Variants in HECW2 observed in about 807,000 individuals in gnomAD.
HECW2 encodes the protein E3 ubiquitin-protein ligase HECW2.
In HECW2, 61 loss-of-function variants were observed where a neutral mutation model predicts 175.2. The ratio of observed to expected loss-of-function variants is 0.35; its 90% CI spans 0.28 to 0.43. The LOEUF (loss-of-function observed/expected upper bound fraction) is 0.43. Ranked by LOEUF, HECW2 falls within the 20% of genes least tolerant of loss-of-function variation. The probability of loss-of-function intolerance (pLI) is 1.00; values close to 1 mark genes in which losing one functional copy is unlikely to be tolerated. For missense variants in HECW2, 1,524 were observed against 2,000.5 expected (o/e 0.76, Z 4.54); for synonymous variants, 671 against 731.0 (o/e 0.92, Z 1.32).
intron 1 of HECW2, among the ~76,000 whole-genome samples, chr2:196,535,001 C>A (rs1211599819): frequency 1.3e-5 from 2 of 151,770 alleles, no homozygotes; most frequent in Non-Finnish European, 2.9e-5. Context: ...TCAGTCTATA[C>A]CAATTTGCAC....
chr2:196,500,506 A>G (rs1687543332), intron 1 of HECW2, among the ~76,000 whole-genome samples: 1 of 152,246 alleles, frequency 6.6e-6, no homozygotes, highest in Non-Finnish European at 1.5e-5. Context: ...TGCTGTCACT[A>G]AAAGCATGAA....
chr2:196,317,206 G>A lies in HECW2; in HGVS notation c.2434+68C>T. 4.2e-6 allele frequency: 5 copies of A among 1,187,154 alleles called. No homozygotes were observed. The South Asian group carries it at 5.2e-5, about 12-fold the overall frequency. The allele number at this position is 1,187,154 out of a possible 1,614,324, so 73.5% of individuals were successfully genotyped here. A position where few individuals can be genotyped will look rare whatever the true frequency, so the allele number is the denominator to read the frequency against. ...ATGTATCCATCTTTTGAGACTCATGGGAATGGGTCTGCCTGTCACCTTTCA... is the reference window on the plus strand; with the variant it reads ...ATGTATCCATCTTTTGAGACTCATGAGAATGGGTCTGCCTGTCACCTTTCA... On this transcript the variant is annotated intron_variant, in intron 10 of 28. Transcript: ENST00000644978.
In HECW2 at chr2:196,201,260, G is replaced by C; in HGVS notation, c.*17C>G. Reference sequence around the variant, plus strand: ...CTGAACCTGCCTGTCCACAGAGATGGGCATTCAGCTTCCAGGTCACTCAAG... The same window carrying C: ...CTGAACCTGCCTGTCCACAGAGATGCGCATTCAGCTTCCAGGTCACTCAAG... On this transcript the variant is annotated 3_prime_UTR_variant, in exon 29 of 29. Coordinates refer to ENST00000644978, the MANE Select transcript of HECW2 (RefSeq NM_001348768.2). 2 of 1,503,666 alleles carry C rather than the reference G, an allele frequency of 1.3e-6. No homozygotes were observed. Among genetic ancestry groups the C allele is most frequent in the Non-Finnish European group, 1.9e-6 (2 of 1,079,608 alleles). The allele number at this position is 1,503,666 out of a possible 1,614,324, so 93.1% of individuals were successfully genotyped here.
intron 2 of HECW2, among the ~76,000 whole-genome samples, chr2:196,361,417 A>G (rs998856698): frequency 4.6e-5 from 7 of 152,224 alleles, no homozygotes; most frequent in East Asian, 1.9e-4. Flanking sequence ...AAATTTGTCA[A>G]AAACCATGAT....
At chr2:196,517,178 A>G (rs1688181199) in intron 1 of HECW2, among the ~76,000 whole-genome samples, 1 of 152,198 alleles carries the variant, frequency 6.6e-6, no homozygotes, top group African/African-American at 2.4e-5. Context: ...ATAAAAAATT[A>G]TTCCTAATAT....
At chr2:196,576,971 A>T (rs1690584851) in intron 1 of HECW2, among the ~76,000 whole-genome samples, 1 of 152,220 alleles carries the variant, frequency 6.6e-6, no homozygotes, top group Non-Finnish European at 1.5e-5. Flanking sequence ...TTTTCCACTT[A>T]TACAGGAAGG....
At chr2:196,561,932 G>A (rs1218135958) in intron 1 of HECW2, among the ~76,000 whole-genome samples, 2 of 152,300 alleles carry the variant, frequency 1.3e-5, no homozygotes, top group East Asian at 3.9e-4. Flanking sequence ...ATGAAAAGAG[G>A]CAATCAGTAG....
At chr2:196,233,614 A>G (rs1218277912) in intron 21 of HECW2, among the ~76,000 whole-genome samples, 2 of 152,172 alleles carry the variant, frequency 1.3e-5, no homozygotes, top group Non-Finnish European at 2.9e-5. Flanking sequence ...CAATTAAGAA[A>G]GCCTGGTAGG....
chr2:196,341,826 G>A (rs1692762451), intron 3 of HECW2, among the ~76,000 whole-genome samples: 1 of 152,190 alleles, frequency 6.6e-6, no homozygotes, highest in Non-Finnish European at 1.5e-5. Flanking sequence ...AGTAAGGATG[G>A]TAAAAGAAAT....
chr2:196,371,965 A>C (rs1320626133), intron 2 of HECW2, among the ~76,000 whole-genome samples: 1 of 152,246 alleles, frequency 6.6e-6, no homozygotes, highest in Non-Finnish European at 1.5e-5. Context: ...GTTTACTTTC[A>C]ACAGTGTAAA....
chr2:196,391,474 C>G (rs1207274444), intron 2 of HECW2, among the ~76,000 whole-genome samples: 1 of 152,158 alleles, frequency 6.6e-6, no homozygotes, highest in Non-Finnish European at 1.5e-5. Context: ...TGAATTGATA[C>G]TGCTCTCATT....
At chr2:196,554,879 G>A (rs1689741108) in intron 1 of HECW2, among the ~76,000 whole-genome samples, 5 of 152,012 alleles carry the variant, frequency 3.3e-5, no homozygotes, top group South Asian at 2.1e-4. Flanking sequence ...ATCAATTCCC[G>A]CCCTCATAAA....
intron 1 of HECW2, among the ~76,000 whole-genome samples, chr2:196,473,049 A>T (rs1470067385): frequency 6.6e-6 from 1 of 152,164 alleles, no homozygotes; most frequent in Non-Finnish European, 1.5e-5. Context: ...TGGTTACCAC[A>T]CTCCCATAAT....
chr2:196,345,549 T>C (rs1692925648), intron 2 of HECW2, among the ~76,000 whole-genome samples: 1 of 152,200 alleles, frequency 6.6e-6, no homozygotes, highest in Admixed American at 6.5e-5. Flanking sequence ...AAAGCCACAT[T>C]GCTAAGATGG....
At chr2:196,315,389 T>A (rs1478620818) in intron 10 of HECW2, among the ~76,000 whole-genome samples, 3 of 152,152 alleles carry the variant, frequency 2.0e-5, no homozygotes, top group African/African-American at 7.2e-5. Context: ...CATTGCAGGA[T>A]GTTTGATACA....
chr2:196,387,401 A>AT (rs1325170907), intron 2 of HECW2, among the ~76,000 whole-genome samples: 2 of 152,096 alleles, frequency 1.3e-5, no homozygotes, highest in Non-Finnish European at 2.9e-5. Flanking sequence ...TGTTCATCCC[A>AT]TTTTGCCTTT....
chr2:196,308,140 T>C, intron 10 of HECW2, 55 bp from the exon 11 acceptor site: 3 of 1,334,212 alleles, frequency 2.2e-6, no homozygotes, highest in Non-Finnish European at 3.0e-6. Context: ...AGATGATTAA[T>C]AGGGTTCATT....
intron 1 of HECW2, among the ~76,000 whole-genome samples, chr2:196,486,297 C>A (rs1687003441): frequency 6.6e-6 from 1 of 152,194 alleles, no homozygotes; most frequent in African/African-American, 2.4e-5. Flanking sequence ...ATTTTCACAG[C>A]TCTCCAGAGC....
chr2:196,349,306 G>A (rs771817024), intron 2 of HECW2, among the ~76,000 whole-genome samples: 38 of 152,146 alleles, frequency 2.5e-4, no homozygotes, highest in Non-Finnish European at 4.0e-4. Flanking sequence ...TATTACAGGA[G>A]TATATATTCT....
Sources: gnomAD v4.1 joint callset for allele counts (sites outside exome capture counted in the v4.1 genomes callset) on GRCh38, gnomAD v4.1.1 for gene constraint, MANE v1.5 for transcripts, NCBI Gene and HGNC (gene_info 2026-07-23, HGNC 2026-07-21) for gene names.